Variants in DZIP1 observed in about 807,000 individuals in gnomAD.
The protein encoded by DZIP1 is DAZ interacting zinc finger protein 1, also known as cilium assembly protein DZIP1.
Under a neutral mutation model 107.6 loss-of-function variants are expected in DZIP1, and 97 were observed. The ratio of observed to expected loss-of-function variants is 0.90; its 90% CI spans 0.77 to 1.07. The LOEUF (loss-of-function observed/expected upper bound fraction) is 1.07, where lower values mean the gene tolerates loss of function less well. DZIP1 is among the 50% of genes least tolerant of loss of function. DZIP1 has a pLI of 0.00. For missense variants in DZIP1, 1,035 were observed against 1,063.6 expected (o/e 0.97, Z 0.37); for synonymous variants, 390 against 386.4 (o/e 1.01, Z -0.11).
chr13:95,592,684 A>G (rs1391475625), intron 16 of DZIP1, among the ~76,000 whole-genome samples: 1 of 152,234 alleles, frequency 6.6e-6, no homozygotes, highest in East Asian at 1.9e-4. Flanking sequence ...GACATGTACA[A>G]GAATTAATAG....
At chr13:95,622,742 A>AT (rs1876044896) in intron 8 of DZIP1, among the ~76,000 whole-genome samples, 1 of 132,974 alleles carries the variant, frequency 7.5e-6, no homozygotes, top group South Asian at 2.4e-4. Flanking sequence ...AAACGAGTCT[A>AT]ATTTTTTTTT....
chr13:95,612,149 G>A lies in DZIP1; in HGVS notation c.1202C>T (p.Thr401Ile). Residue 401 changes from threonine to isoleucine, a missense_variant, in exon 11 of 23, where the codon ACC (threonine) becomes ATC (isoleucine). Transcript: ENST00000376829. ...TGCATTTAGATCATCTATCATTGAG[G>A]TTCGAAGTTTCTCTATATGTGACAG... The part of the protein sequence containing the change: ...RLLSHIEKLR[T>I]SMIDDLNASN... 6.2e-7 allele frequency: 1 copy of A among 1,612,444 alleles called. No homozygotes were observed. The highest frequency in any genetic ancestry group is 8.5e-7 in the Non-Finnish European group (1 of 1,179,952).
intron 10 of DZIP1, chr13:95,617,860 CAGA>C: frequency 1.9e-6 from 1 of 517,106 alleles, no homozygotes; most frequent in South Asian, 1.4e-5. Flanking sequence ...CAGGAAAGTA[CAGA>C]AGAACTGGTT....
chr13:95,590,159 A>G, intron 17 of DZIP1, 120 bp downstream of exon 17: 1 of 1,123,596 alleles, frequency 8.9e-7, no homozygotes, highest in Non-Finnish European at 1.2e-6. Context: ...TGAAGTGGCG[A>G]AGTTTGTTAA....
At chr13:95,602,671 A>T (rs2044650432) in intron 14 of DZIP1, among the ~76,000 whole-genome samples, 1 of 152,212 alleles carries the variant, frequency 6.6e-6, no homozygotes, top group Non-Finnish European at 1.5e-5. Flanking sequence ...CTTTTCCAGG[A>T]TGTATGTCCA....
In DZIP1 at chr13:95,606,039, T is replaced by C; in HGVS notation, c.1441A>G (p.Thr481Ala). 6.2e-7 allele frequency: 1 copy of C among 1,614,038 alleles called. No individual in the cohort carries two copies. Among genetic ancestry groups the C allele is most frequent in the Non-Finnish European group, 8.5e-7 (1 of 1,179,956 alleles). Residue 481 changes from threonine (T) to alanine (A), a missense_variant, in exon 14 of 23, where the codon ACT (threonine) becomes GCT (alanine). Thr to Ala is a moderately conservative substitution (Grantham distance 58). Coordinates refer to ENST00000376829, the MANE Select transcript of DZIP1 (RefSeq NM_198968.4). ...GGCAGACTTGATTTAGTTTCCAAAGTGTGCAGGGCTGGGGCATTCACTGAA... is the reference window on the plus strand; with the variant it reads ...GGCAGACTTGATTTAGTTTCCAAAGCGTGCAGGGCTGGGGCATTCACTGAA... ...AVPMNAPALH[T>A]LETKSSLPMV... is the part of the protein sequence containing the mutation.
At position 95,593,823 on chromosome 13, in the gene DZIP1, T is replaced by A. The variant is rs2044373270; in HGVS notation, c.1680+121A>T. The A allele has an allele frequency of 3.3e-6, 4 of 1,220,100 alleles. No individual in the cohort carries two copies. In the East Asian group the frequency reaches 7.7e-5, roughly 23 times the overall value. The allele number at this position is 1,220,100 out of a possible 1,614,324, so 75.6% of individuals were successfully genotyped here. On this transcript the variant is annotated intron_variant, in intron 16 of 22. Transcript: ENST00000376829. ...GTTTGATAAATAAAGTAGGTCACAT[T>A]AGCCTCTGTTCTCCAAACATGGACA...
intron 14 of DZIP1, among the ~76,000 whole-genome samples, chr13:95,600,432 C>T (rs1016919193): frequency 6.6e-6 from 1 of 152,110 alleles, no homozygotes; most frequent in Non-Finnish European, 1.5e-5. Flanking sequence ...CGAGTGCTCA[C>T]CAGGAGGCTG....
Position 95,642,040 on chromosome 13 carries a change from G to C in DZIP1, c.-11C>G. The C allele has an allele frequency of 6.4e-7, 1 of 1,566,410 alleles. No homozygotes were observed. Among genetic ancestry groups the C allele is most frequent in the Non-Finnish European group, 8.6e-7 (1 of 1,162,146 alleles). ...TGCCTCAGCTTGCATAGGAGGAGCC[G>C]GGCGGTCTTTACCCAGCCTGGGCCG... is the stretch of plus-strand genomic sequence containing the variant. On this transcript the variant is annotated 5_prime_UTR_variant, in exon 4 of 23. Coordinates refer to ENST00000376829, the MANE Select transcript of DZIP1 (RefSeq NM_198968.4).
chr13:95,586,625 T>G (rs947027961), intron 20 of DZIP1, among the ~76,000 whole-genome samples: 2 of 151,928 alleles, frequency 1.3e-5, no homozygotes, highest in East Asian at 3.9e-4. Flanking sequence ...AATATGAATT[T>G]TTAAATGAAT....
At chr13:95,621,875 G>T (rs539765014) in intron 9 of DZIP1, among the ~76,000 whole-genome samples, 2 of 151,390 alleles carry the variant, frequency 1.3e-5, no homozygotes, top group African/African-American at 4.9e-5. Flanking sequence ...CTGCTACCAC[G>T]CCCAGTTAAT....
In DZIP1 at chr13:95,641,841, A is replaced by C. The variant is rs961678182; in HGVS notation, c.51T>G (p.His17Gln). 7.9e-7 allele frequency: 1 copy of C among 1,261,312 alleles called. No homozygotes were observed. The allele number at this position is 1,261,312 out of a possible 1,614,324, so 78.1% of individuals were successfully genotyped here. A position where few individuals can be genotyped will look rare whatever the true frequency, so the allele number is the denominator to read the frequency against. Reference protein sequence around the residue: ...DWFSSMPFQKHVYYPLASGPE... With the variant: ...DWFSSMPFQKQVYYPLASGPE... ...GGCCGCTGGCGAGCGGGTAGTAGACATGCTTCTGGAAGGGCTGCGGGGGGC... is the reference window on the plus strand; with the variant it reads ...GGCCGCTGGCGAGCGGGTAGTAGACCTGCTTCTGGAAGGGCTGCGGGGGGC... The change falls in exon 5 of 23, where the codon CAT becomes CAG. Residue 17 changes from histidine (H) to glutamine (Q), a missense_variant. By Grantham distance (24) the His-to-Gln change is conservative (BLOSUM62 0). Transcript: ENST00000376829. This position sits in a 1 kb window ranked among gnomAD's most constrained non-coding sequence, Gnocchi z 4.3.
rs1346289721 is a variant in DZIP1 at position 95,642,092 on chromosome 13, C to T, written c.-63G>A. ...CTCCCGGGCCGCCGCCGCCACAGCCCTCAGGAGCGGGAGAAGGCCGGGTTC... is the reference window on the plus strand; with the variant it reads ...CTCCCGGGCCGCCGCCGCCACAGCCTTCAGGAGCGGGAGAAGGCCGGGTTC... On this transcript the variant is annotated 5_prime_UTR_variant, in exon 4 of 23. Transcript: ENST00000376829. 1 of 1,458,020 alleles carries T rather than the reference C, an allele frequency of 6.9e-7. No homozygotes were observed. The highest frequency in any genetic ancestry group is 1.5e-5 in the African/African-American group (1 of 66,832). The allele number at this position is 1,458,020 out of a possible 1,614,324, so 90.3% of individuals were successfully genotyped here.
intron 17 of DZIP1, among the ~76,000 whole-genome samples, 168 bp downstream of exon 17, chr13:95,590,111 C>A (rs2043843378): frequency 6.6e-6 from 1 of 152,026 alleles, no homozygotes; most frequent in Non-Finnish European, 1.5e-5. Context: ...AATCCAAGAC[C>A]CAGCATTTAA....
At chr13:95,584,570 T>G in intron 22 of DZIP1, 166 bp downstream of exon 22, 1 of 1,268,452 alleles carries the variant, frequency 7.9e-7, no homozygotes, top group Non-Finnish European at 1.0e-6. Flanking sequence ...TATATATGAA[T>G]CAGTGAGTTA....
intron 21 of DZIP1, among the ~76,000 whole-genome samples, chr13:95,585,421 T>C (rs2044135310): frequency 6.6e-6 from 1 of 152,354 alleles, no homozygotes; most frequent in East Asian, 1.9e-4. Context: ...GTAACACAAA[T>C]AGTATTAACT....
At chr13:95,637,278 CAAGT>C (rs1877919932) in intron 5 of DZIP1, 1 of 152,224 alleles carries the variant, frequency 6.6e-6, no homozygotes, top group South Asian at 2.1e-4. Context: ...ATGAAAAAAA[CAAGT>C]AAGACATTAT....
intron 16 of DZIP1, among the ~76,000 whole-genome samples, chr13:95,592,106 T>C (rs563170845): frequency 1.4e-4 from 22 of 152,260 alleles, no homozygotes; most frequent in African/African-American, 5.3e-4. Context: ...AAACTATGGA[T>C]TATTCAACAA....
At chr13:95,585,019 G>A (rs1725776968) in intron 21 of DZIP1, 109 bp from the exon 22 acceptor site, 1 of 799,068 alleles carries the variant, frequency 1.3e-6, no homozygotes, top group Non-Finnish European at 1.9e-6. Flanking sequence ...AAGGAAAGAA[G>A]TGGGGAACTA....
Sources: gnomAD v4.1 joint callset for allele counts (sites outside exome capture counted in the v4.1 genomes callset) on GRCh38, gnomAD v4.1.1 for gene constraint, Gnocchi (gnomAD v3.1) non-coding constraint, MANE v1.5 for transcripts, NCBI Gene and HGNC (gene_info 2026-07-23, HGNC 2026-07-21) for gene names.